The following PLPPR5 variants were observed in gnomAD, a reference collection of about 807,000 sequenced individuals.
The protein encoded by PLPPR5 is phospholipid phosphatase related 5.
In PLPPR5, 16 loss-of-function variants were observed where a neutral mutation model predicts 33.9. That is an observed-to-expected ratio of 0.47 (90% confidence interval 0.32 to 0.72). The LOEUF (loss-of-function observed/expected upper bound fraction) is 0.72, where lower values mean the gene tolerates loss of function less well. PLPPR5 is among the 30% of genes least tolerant of loss of function. PLPPR5 has a pLI of 0.03. For missense variants in PLPPR5, 301 were observed against 406.7 expected (o/e 0.74, Z 2.23); for synonymous variants, 163 against 150.3 (o/e 1.08, Z -0.62).
chr1:98,939,340 G>A (rs905642919), intron 3 of PLPPR5, among the ~76,000 whole-genome samples: 1 of 148,110 alleles, frequency 6.8e-6, no homozygotes, highest in Admixed American at 6.8e-5. Context: ...TATGCTAGGT[G>A]CACCACTGAA....
intron 1 of PLPPR5, among the ~76,000 whole-genome samples, chr1:98,974,232 C>A (rs759490058): frequency 1.2e-4 from 18 of 151,966 alleles, no homozygotes; most frequent in Non-Finnish European, 1.9e-4. Flanking sequence ...GACAGACTTT[C>A]AAGACAGGGG....
At chr1:98,969,037 A>T (rs1284338404) in intron 1 of PLPPR5, among the ~76,000 whole-genome samples, 1 of 152,108 alleles carries the variant, frequency 6.6e-6, no homozygotes, top group Non-Finnish European at 1.5e-5. Flanking sequence ...CCCTGTATGA[A>T]CCAAAAGCAT....
At chr1:99,004,064 G>A (rs1362382802) in intron 1 of PLPPR5, among the ~76,000 whole-genome samples, 7 of 152,192 alleles carry the variant, frequency 4.6e-5, no homozygotes, top group Non-Finnish European at 8.8e-5. Flanking sequence ...CACAATCGAA[G>A]AGGAGGCAGT....
At chr1:98,911,533 T>A (rs1306491969) in intron 5 of PLPPR5, among the ~76,000 whole-genome samples, 1 of 152,146 alleles carries the variant, frequency 6.6e-6, no homozygotes. Context: ...AAGAACCTTT[T>A]AAATAATTTA....
At chr1:98,941,463 A>G (rs1650364943) in intron 3 of PLPPR5, among the ~76,000 whole-genome samples, 1 of 151,718 alleles carries the variant, frequency 6.6e-6, no homozygotes, top group East Asian at 1.9e-4. Flanking sequence ...CCGGTTTATA[A>G]GGTGAGAAAG....
At chr1:98,895,817 T>C (rs566056895) in intron 5 of PLPPR5, among the ~76,000 whole-genome samples, 2 of 152,070 alleles carry the variant, frequency 1.3e-5, no homozygotes, top group East Asian at 1.9e-4. Context: ...TTTAAGGTAG[T>C]TGTAGTTAGC....
At chr1:98,925,144 A>G (rs1392232043) in intron 3 of PLPPR5, among the ~76,000 whole-genome samples, 1 of 152,246 alleles carries the variant, frequency 6.6e-6, no homozygotes, top group African/African-American at 2.4e-5. Flanking sequence ...AAATTATGGC[A>G]TAATAATCTA....
intron 1 of PLPPR5, among the ~76,000 whole-genome samples, chr1:98,976,116 C>T (rs956930551): frequency 1.6e-5 from 2 of 126,066 alleles, no homozygotes; most frequent in African/African-American, 3.1e-5. Flanking sequence ...AAAAAAAAAG[C>T]CTAAATGATG....
chr1:98,996,079 G>A (rs1403301018), intron 1 of PLPPR5, among the ~76,000 whole-genome samples: 1 of 151,988 alleles, frequency 6.6e-6, no homozygotes, highest in African/African-American at 2.4e-5. Context: ...AGAAGAGAAT[G>A]CAGTTATTCA....
intron 5 of PLPPR5, among the ~76,000 whole-genome samples, chr1:98,894,466 G>A (rs1374039973): frequency 9.2e-5 from 14 of 152,046 alleles, no homozygotes; most frequent in Non-Finnish European, 4.4e-5. Context: ...CCAGTGAACT[G>A]AGAAAATGCA....
intron 3 of PLPPR5, among the ~76,000 whole-genome samples, chr1:98,948,174 A>G (rs184136288): frequency 5.7e-4 from 87 of 152,260 alleles, no homozygotes; most frequent in African/African-American, 2.0e-3. Flanking sequence ...GGGCTAGCTC[A>G]TGCTCCTGTA....
intron 2 of PLPPR5, 72 bp from the exon 3 acceptor site, chr1:98,953,392 T>TGTGTGAGTGA (rs1553169382): frequency 3.4e-6 from 5 of 1,477,094 alleles, no homozygotes; most frequent in Non-Finnish European, 2.7e-6. Context: ...TGTGTGTGTG[T>TGTGTGAGTGA]GTGAATTTCA....
intron 1 of PLPPR5, among the ~76,000 whole-genome samples, chr1:98,996,323 T>C (rs185324223): frequency 4.8e-4 from 73 of 152,174 alleles, no homozygotes; most frequent in African/African-American, 1.7e-3. Context: ...ACATGTTGTA[T>C]CAGTGAGAAA....
chr1:98,957,506 T>C (rs1235105202), intron 1 of PLPPR5, among the ~76,000 whole-genome samples: 1 of 152,052 alleles, frequency 6.6e-6, no homozygotes, highest in Non-Finnish European at 1.5e-5. Flanking sequence ...AGTTACTGTG[T>C]CTTATTTAAT....
intron 1 of PLPPR5, among the ~76,000 whole-genome samples, chr1:98,995,837 T>C (rs901458023): frequency 9.9e-5 from 15 of 151,724 alleles, no homozygotes; most frequent in African/African-American, 3.4e-4. Flanking sequence ...GTTCTGACAC[T>C]TGAATTTAAT....
intron 1 of PLPPR5, among the ~76,000 whole-genome samples, chr1:98,965,328 T>C (rs1651400610): frequency 6.6e-6 from 1 of 152,130 alleles, no homozygotes; most frequent in Non-Finnish European, 1.5e-5. Flanking sequence ...TGCTGGACAT[T>C]ACATTATGCT....
chr1:98,904,884 ACT>A (rs1364567984), intron 5 of PLPPR5, among the ~76,000 whole-genome samples: 2 of 152,060 alleles, frequency 1.3e-5, no homozygotes, highest in Non-Finnish European at 2.9e-5. Flanking sequence ...TCTTAGTGAC[ACT>A]CTGGCTGGGA....
At chr1:99,001,145 T>A (rs1023776712) in intron 1 of PLPPR5, among the ~76,000 whole-genome samples, 51 of 151,396 alleles carry the variant, frequency 3.4e-4, no homozygotes, top group Middle Eastern at 6.8e-3. Context: ...TTTTTTTTTT[T>A]TTTTTTTGAG....
chr1:98,956,556 T>C, intron 2 of PLPPR5, 53 bp downstream of exon 2: 1 of 1,472,250 alleles, frequency 6.8e-7, no homozygotes, highest in Non-Finnish European at 9.0e-7. Context: ...AAGGTTTAGC[T>C]TACACATAGA....
Sources: gnomAD v4.1 joint callset for allele counts (sites outside exome capture counted in the v4.1 genomes callset) on GRCh38, gnomAD v4.1.1 for gene constraint, MANE v1.5 for transcripts, NCBI Gene and HGNC (gene_info 2026-07-23, HGNC 2026-07-21) for gene names.